GYG2: variants seen among roughly 807,000 people sequenced by gnomAD.
GYG2 encodes the protein glycogenin-2.
In GYG2, 29 loss-of-function variants were observed where a neutral mutation model predicts 29.4. The ratio of observed to expected loss-of-function variants is 0.99; its 90% CI spans 0.74 to 1.35. GYG2 has a LOEUF of 1.35. Among genes scored for constraint, GYG2 ranks in the 40% most tolerant of loss-of-function variants. The pLI is 0.00. For missense variants in GYG2, 370 were observed against 385.7 expected, an observed-to-expected ratio of 0.96 and a Z score of 0.34; for synonymous variants, 167 against 172.3, an observed-to-expected ratio of 0.97 and a Z score of 0.24.
chrX:2,864,441 C>G (rs1378728337), intron 8 of GYG2, among the ~76,000 whole-genome samples: 1 of 108,175 alleles, frequency 9.2e-6, no homozygotes, highest in African/African-American at 3.4e-5. Flanking sequence ...ATCAGATATG[C>G]ATTTATCTCA....
chrX:2,845,606 TATTTATATACGCATGTGTATTTACATAC>T (rs2087690594), intron 3 of GYG2, among the ~76,000 whole-genome samples: 3 of 105,435 alleles, frequency 2.8e-5, no homozygotes, highest in African/African-American at 1.0e-4. Context: ...TATGTACATA[TATTTATATACGCATGTGTATTTACATAC>T]ATTTATATAC....
intron 2 of GYG2, among the ~76,000 whole-genome samples, chrX:2,835,289 G>A (rs2087350381): frequency 9.0e-6 from 1 of 111,617 alleles, no homozygotes; most frequent in South Asian, 3.8e-4. Flanking sequence ...CAGACTTGAG[G>A]TCTGTGTGGA....
At chrX:2,848,066 G>C (rs1309828821) in intron 3 of GYG2, among the ~76,000 whole-genome samples, 3 of 112,319 alleles carry the variant, frequency 2.7e-5, no homozygotes, top group East Asian at 5.6e-4. Flanking sequence ...CTGTGTGTCA[G>C]AGATATTATG....
chrX:2,853,826 T>G (rs929781633), intron 3 of GYG2, 154 bp from the exon 4 acceptor site: 7 of 447,258 alleles, frequency 1.6e-5, no homozygotes, highest in African/African-American at 1.5e-4. Context: ...TCCGTGGAAA[T>G]GTGCTCTGAA....
At chrX:2,844,841 T>C (rs1179384644) in intron 3 of GYG2, among the ~76,000 whole-genome samples, 5 of 108,250 alleles carry the variant, frequency 4.6e-5, no homozygotes, top group African/African-American at 1.7e-4. Context: ...TATGTACATG[T>C]ATGTGTATAT....
At chrX:2,857,152 A>G (rs1297767914) in intron 6 of GYG2, among the ~76,000 whole-genome samples, 2 of 87,356 alleles carry the variant, frequency 2.3e-5, no homozygotes, top group Non-Finnish European at 4.9e-5. Context: ...ATATTTATCT[A>G]TCTATCTAGA....
chrX:2,877,377 G>T, intron 10 of GYG2, 70 bp downstream of exon 10: 1 of 1,169,255 alleles, frequency 8.6e-7, no homozygotes, highest in Admixed American at 2.5e-5. Context: ...GAGGTCAACT[G>T]CATGCACACA....
chrX:2,875,999 A>G (rs2088585752), intron 9 of GYG2, 85 bp downstream of exon 9: 3 of 365,697 alleles, frequency 8.2e-6, no homozygotes. Flanking sequence ...ATTACATACC[A>G]GTGGGGGCGC....
intron 10 of GYG2, chrX:2,878,339 G>A: frequency 5.3e-6 from 1 of 188,738 alleles, no homozygotes; most frequent in Non-Finnish European, 8.2e-6. Context: ...AGCCCAGGCT[G>A]GAGTGCAGTG....
At chrX:2,858,510 G>A (rs2088078633) in intron 6 of GYG2, among the ~76,000 whole-genome samples, 1 of 111,031 alleles carries the variant, frequency 9.0e-6, no homozygotes, top group African/African-American at 3.3e-5. Flanking sequence ...AGCTCTTTGG[G>A]TTCCTAAAAG....
At chrX:2,852,404 TC>T (rs1245522163) in intron 3 of GYG2, among the ~76,000 whole-genome samples, 1 of 111,894 alleles carries the variant, frequency 8.9e-6, no homozygotes, top group African/African-American at 3.2e-5. Flanking sequence ...TATGCCCCCA[TC>T]CTTTTCTAGC....
At chrX:2,833,238 G>T (rs1028845618) in intron 2 of GYG2, among the ~76,000 whole-genome samples, 2 of 110,641 alleles carry the variant, frequency 1.8e-5, no homozygotes, top group Non-Finnish European at 3.8e-5. Flanking sequence ...TTCTGTGTGT[G>T]TGTGTGTCTG....
Position 2,831,326 on chromosome X carries a change from A to G in GYG2, c.7+1131A>G, listed in dbSNP as rs979936023. Among the ~76,000 whole-genome samples, 5 of 112,162 alleles carry G rather than the reference A, an allele frequency of 4.5e-5. No homozygotes were observed. The East Asian group carries it at 8.3e-4, about 19-fold the overall frequency. On this transcript the variant is annotated intron_variant, in intron 2 of 10. Transcript: ENST00000398806. ...AGCAGTCCTCCTCCTTTGGCCTCTC[A>G]AAGTGCTGGGATTACAGGCACGAGC...
At chrX:2,833,049 G>C (rs1411061840) in intron 2 of GYG2, among the ~76,000 whole-genome samples, 1 of 111,783 alleles carries the variant, frequency 8.9e-6, no homozygotes, top group Non-Finnish European at 1.9e-5. Context: ...GTGTTTTTCT[G>C]CTGGGGCTGC....
chrX:2,868,753 G>T (rs904573764), intron 8 of GYG2, among the ~76,000 whole-genome samples: 2 of 110,821 alleles, frequency 1.8e-5, no homozygotes, highest in East Asian at 5.6e-4. Flanking sequence ...CGGGTTGATA[G>T]GTGCAGCGAA....
chrX:2,873,088 A>G (rs1307984270), intron 8 of GYG2, among the ~76,000 whole-genome samples: 1 of 111,821 alleles, frequency 8.9e-6, no homozygotes, highest in Non-Finnish European at 1.9e-5. Context: ...ACTTTGCAGC[A>G]GTAAGAGGGA....
chrX:2,836,334 A>G (rs2087371162), intron 2 of GYG2, among the ~76,000 whole-genome samples: 1 of 110,505 alleles, frequency 9.0e-6, no homozygotes, highest in Admixed American at 9.7e-5. Flanking sequence ...AAAGGAGGGA[A>G]GCTGTGGCTC....
At chrX:2,869,043 C>T (rs2088383176) in intron 8 of GYG2, among the ~76,000 whole-genome samples, 1 of 108,212 alleles carries the variant, frequency 9.2e-6, no homozygotes, top group Non-Finnish European at 1.9e-5. Flanking sequence ...GGGATGCTGT[C>T]CATACGGTAT....
chrX:2,849,809 ATGTAAT>A (rs1277037751), intron 3 of GYG2, among the ~76,000 whole-genome samples: 3 of 112,080 alleles, frequency 2.7e-5, no homozygotes, highest in Non-Finnish European at 5.6e-5. Flanking sequence ...GCAAAATGGA[ATGTAAT>A]CCAAGAAAGG....
Sources: gnomAD v4.1 joint callset for allele counts (sites outside exome capture counted in the v4.1 genomes callset) on GRCh38, gnomAD v4.1.1 for gene constraint, MANE v1.5 for transcripts, NCBI Gene and HGNC (gene_info 2026-07-23, HGNC 2026-07-21) for gene names.